Variants in OTUD7A observed in about 807,000 individuals in gnomAD.
OTUD7A encodes OTU deubiquitinase 7A.
A neutral mutation model predicts 65.7 loss-of-function variants in OTUD7A; 12 were observed. The ratio of observed to expected loss-of-function variants is 0.18; its 90% CI spans 0.12 to 0.30. OTUD7A has a LOEUF of 0.30. OTUD7A is among the 10% of genes least tolerant of loss of function. The pLI is 1.00. For missense variants in OTUD7A, 1,148 were observed against 1,304.8 expected (o/e 0.88, Z 1.85); for synonymous variants, 641 against 586.3 (o/e 1.09, Z -1.35).
At chr15:31,680,166 A>C (rs566652295) in intron 1 of OTUD7A, among the ~76,000 whole-genome samples, 1 of 152,360 alleles carries the variant, frequency 6.6e-6, no homozygotes, top group Admixed American at 6.5e-5. Flanking sequence ...GGTAGTTTTT[A>C]ACATTGCTAG....
intron 1 of OTUD7A, among the ~76,000 whole-genome samples, chr15:31,842,476 A>T (rs1897206781): frequency 6.6e-6 from 1 of 152,180 alleles, no homozygotes; most frequent in South Asian, 2.1e-4. Flanking sequence ...AGCCAGCAAG[A>T]GATCAGATTT....
chr15:31,574,258 C>T (rs1889138852), intron 3 of OTUD7A, among the ~76,000 whole-genome samples: 1 of 151,672 alleles, frequency 6.6e-6, no homozygotes, highest in South Asian at 2.1e-4. Flanking sequence ...AAATAAAAAG[C>T]TAAGATAACA....
rs190470383 is a variant in OTUD7A, at chr15:31,670,982, G to A, written c.-99-13905C>T. On this transcript the variant is annotated intron_variant, in intron 1 of 12. Transcript: ENST00000307050. ...TGCACTCCAGCCTGGGGGACAAAGC[G>A]AGACTCCGTCTCAAAAAAAAAAAAA... 2.0e-3 allele frequency among the ~76,000 whole-genome samples: 303 copies of A among 150,778 alleles called. 1 individual carries two copies. Among genetic ancestry groups the A allele is most frequent in the East Asian group, 0.011 (56 of 5,146 alleles).
chr15:31,807,996 G>C (rs1385398536), intron 1 of OTUD7A, among the ~76,000 whole-genome samples: 1 of 151,906 alleles, frequency 6.6e-6, no homozygotes, highest in Non-Finnish European at 1.5e-5. Flanking sequence ...GTTGAAGTTA[G>C]CGACACTCAG....
At chr15:31,609,214 C>G (rs1055118165) in intron 3 of OTUD7A, among the ~76,000 whole-genome samples, 4 of 152,190 alleles carry the variant, frequency 2.6e-5, no homozygotes, top group Admixed American at 2.0e-4. Flanking sequence ...TGGGCAAGAG[C>G]CTCCTGGCCA....
chr15:31,532,674 T>A (rs1887667500), intron 5 of OTUD7A, among the ~76,000 whole-genome samples: 1 of 152,112 alleles, frequency 6.6e-6, no homozygotes, highest in Admixed American at 6.5e-5. Context: ...ACGCCTGTAA[T>A]CCCAGCACTT....
At position 31,560,154 on chromosome 15, in the gene OTUD7A, C is replaced by T. The variant is rs995236731; in HGVS notation, c.332-967G>A. On this transcript the variant is annotated intron_variant, in intron 4 of 12. Transcript: ENST00000307050. Reference sequence around the variant, plus strand: ...CGCTCTTTGTCTCGATGCATTTATGCACTTAATGCAAAGAAACAATCATTC... The same window carrying T: ...CGCTCTTTGTCTCGATGCATTTATGTACTTAATGCAAAGAAACAATCATTC... Among the ~76,000 whole-genome samples, 8 of 152,232 alleles carry T rather than the reference C, an allele frequency of 5.3e-5. No homozygotes were observed. The South Asian group carries it at 6.2e-4, about 12-fold the overall frequency.
chr15:31,602,987 G>T (rs1890127406), intron 3 of OTUD7A, among the ~76,000 whole-genome samples: 1 of 152,146 alleles, frequency 6.6e-6, no homozygotes, highest in Non-Finnish European at 1.5e-5. Flanking sequence ...TGGATAGGAA[G>T]AAACAATATC....
At chr15:31,607,388 T>A (rs1350868357) in intron 3 of OTUD7A, among the ~76,000 whole-genome samples, 1 of 152,170 alleles carries the variant, frequency 6.6e-6, no homozygotes, top group Non-Finnish European at 1.5e-5. Flanking sequence ...TAGTAGGGAA[T>A]CAAGGCCAGC....
Position 31,483,347 on chromosome 15 carries a change from A to G in OTUD7A, c.2749T>C (p.Cys917Arg). 1 of 1,251,754 alleles carries G rather than the reference A, an allele frequency of 8.0e-7. No homozygotes were observed. The highest frequency in any genetic ancestry group is 1.0e-6 in the Non-Finnish European group (1 of 993,204). 77.5% of individuals were successfully genotyped at this position (1,251,754 alleles called of 1,614,324 possible). A position where few individuals can be genotyped will look rare whatever the true frequency, so the allele number is the denominator to read the frequency against. ...CGCCGCCGCAGCTCCTCGCGGTAGC[A>G]GTAGGAGCAGTAGTGCTCGGTCTCG... ...RAETEHYCSYCYREELRRRRE... is the reference protein window; with the variant it reads ...RAETEHYCSYRYREELRRRRE... Residue 917 changes from cysteine to arginine, a missense_variant, in exon 13 of 13, where the codon TGC becomes CGC. This residue lies in a region of OTUD7A where 842 missense variants were observed against 769.5 expected (regional missense o/e 1.09). Transcript: ENST00000307050.
At chr15:31,842,584 G>A (rs918750724) in intron 1 of OTUD7A, among the ~76,000 whole-genome samples, 21 of 152,030 alleles carry the variant, frequency 1.4e-4, no homozygotes, top group African/African-American at 4.8e-4. Flanking sequence ...GGACAGAGAG[G>A]ACACTGCACA....
chr15:31,517,805 G>GT (rs2041879870), intron 8 of OTUD7A, among the ~76,000 whole-genome samples: 1 of 152,172 alleles, frequency 6.6e-6, no homozygotes, highest in Admixed American at 6.5e-5. Flanking sequence ...GGTCCAGATG[G>GT]TATCTCAGGC....
Position 31,866,312 on chromosome 15 carries a change from C to T in OTUD7A, c.-100+4195G>A, listed in dbSNP as rs147951503. 3.9e-4 allele frequency among the ~76,000 whole-genome samples: 60 copies of T among 152,352 alleles called. 1 individual carries two copies. The Middle Eastern group carries it at 0.01, about 26-fold the overall frequency. ...GTAGCTGCTGCATGGCCCACTCCCT[C>T]CCAGTCCTAGTCTATACTCCCCCAC... On this transcript the variant is annotated intron_variant, in intron 1 of 12. Transcript: ENST00000307050.
At chr15:31,678,292 C>G (rs528334484) in intron 1 of OTUD7A, among the ~76,000 whole-genome samples, 4 of 152,296 alleles carry the variant, frequency 2.6e-5, no homozygotes, top group South Asian at 2.1e-4. Context: ...AAATTTGCAG[C>G]CTGACAATGC....
chr15:31,678,049 C>T (rs1410930142), intron 1 of OTUD7A, among the ~76,000 whole-genome samples: 2 of 152,200 alleles, frequency 1.3e-5, no homozygotes, highest in Admixed American at 6.5e-5. Flanking sequence ...AAAGGTGACC[C>T]TTTTTATGCT....
chr15:31,672,895 T>C lies in OTUD7A; in HGVS notation c.-99-15818A>G, dbSNP rs535429518. 3.0e-4 allele frequency among the ~76,000 whole-genome samples: 45 copies of C among 152,302 alleles called. No homozygotes were observed. In the South Asian group the frequency reaches 9.1e-3, roughly 31 times the overall value. ...GCAGTAAGTGTAGGACCTACTGAAGTCTTCTCCTGTGTGCACTGAAATGAT... is the reference window on the plus strand; with the variant it reads ...GCAGTAAGTGTAGGACCTACTGAAGCCTTCTCCTGTGTGCACTGAAATGAT... On this transcript the variant is annotated intron_variant, in intron 1 of 12. Coordinates refer to ENST00000307050, the MANE Select transcript of OTUD7A (RefSeq NM_001382637.1).
intron 3 of OTUD7A, among the ~76,000 whole-genome samples, chr15:31,598,141 C>T (rs1485561309): frequency 3.9e-5 from 6 of 152,122 alleles, no homozygotes; most frequent in Non-Finnish European, 5.9e-5. Context: ...AGTCAGCCAG[C>T]GAAGTTCCAC....
chr15:31,764,046 A>G (rs1895040896), intron 1 of OTUD7A, among the ~76,000 whole-genome samples: 1 of 152,240 alleles, frequency 6.6e-6, no homozygotes, highest in African/African-American at 2.4e-5. Context: ...TTCTCAGACA[A>G]GAGTGACACG....
chr15:31,483,129 G>T lies in OTUD7A; in HGVS notation c.*165C>A. On this transcript the variant is annotated 3_prime_UTR_variant, in exon 13 of 13. Transcript: ENST00000307050. ...TCCGTCTACTACCTGAGTGGCGTCA[G>T]TGTAGGTTCAGGCACCATTAGGAAC... is the stretch of plus-strand genomic sequence containing the variant. 1.7e-6 allele frequency: 1 copy of T among 587,844 alleles called. No individual in the cohort carries two copies. The highest frequency in any genetic ancestry group is 2.2e-6 in the Non-Finnish European group (1 of 459,398). The allele number at this position is 587,844 out of a possible 1,614,324, so 36.4% of individuals were successfully genotyped here.
Sources: gnomAD v4.1 joint callset for allele counts (sites outside exome capture counted in the v4.1 genomes callset) on GRCh38, gnomAD v4.1.1 for gene constraint, gnomAD v4.1.1 regional missense constraint, MANE v1.5 for transcripts, NCBI Gene and HGNC (gene_info 2026-07-23, HGNC 2026-07-21) for gene names.